Variants in LIPC observed in about 807,000 individuals in gnomAD.
The protein encoded by LIPC is hepatic triacylglycerol lipase.
In LIPC, 44 loss-of-function variants were observed where a neutral mutation model predicts 50.7. The observed-to-expected ratio is 0.87, with a 90% CI of 0.68 to 1.11. LIPC has a LOEUF of 1.11. LIPC is among the 50% of genes most tolerant of loss of function. The pLI is 0.00. For missense variants in LIPC, 697 were observed against 648.2 expected (o/e 1.08, Z -0.82); for synonymous variants, 271 against 256.4 (o/e 1.06, Z -0.54).
At chr15:58,452,209 C>A (rs1268882683) in intron 1 of LIPC, among the ~76,000 whole-genome samples, 2 of 152,188 alleles carry the variant, frequency 1.3e-5, no homozygotes, top group Non-Finnish European at 2.9e-5. Flanking sequence ...GTTTGAAAGA[C>A]AAATTCTCCA....
chr15:58,476,112 C>T (rs1286353513), intron 1 of LIPC, among the ~76,000 whole-genome samples: 2 of 152,228 alleles, frequency 1.3e-5, no homozygotes, highest in African/African-American at 4.8e-5. Flanking sequence ...CCCCATTTTA[C>T]AGAAAAAGAT....
chr15:58,483,052 C>T lies in LIPC; in HGVS notation c.88+50932C>T, dbSNP rs554878626. Reference sequence around the variant, plus strand: ...GTCTCTAGACAGAGAGTGTGTTGTTCAGGCTAAACTATCTCCCTACCATGG... The same window carrying T: ...GTCTCTAGACAGAGAGTGTGTTGTTTAGGCTAAACTATCTCCCTACCATGG... On this transcript the variant is annotated intron_variant, in intron 1 of 8. Transcript: ENST00000299022. Among the ~76,000 whole-genome samples, 18 of 152,268 alleles carry T rather than the reference C, an allele frequency of 1.2e-4. No homozygotes were observed. In the East Asian group the frequency reaches 3.5e-3, roughly 29 times the overall value.
intron 1 of LIPC, among the ~76,000 whole-genome samples, chr15:58,511,904 C>T (rs974139788): frequency 6.6e-5 from 10 of 152,152 alleles, no homozygotes; most frequent in African/African-American, 1.9e-4. Flanking sequence ...CAAGACAAAA[C>T]ATTGAGTTAT....
intron 1 of LIPC, among the ~76,000 whole-genome samples, chr15:58,508,068 A>G (rs1319237051): frequency 2.0e-5 from 3 of 152,244 alleles, no homozygotes; most frequent in Non-Finnish European, 4.4e-5. Flanking sequence ...GACAGACTTC[A>G]GTCTTTCTTC....
chr15:58,551,303 G>T (rs1304168826), intron 6 of LIPC, among the ~76,000 whole-genome samples: 1 of 152,196 alleles, frequency 6.6e-6, no homozygotes, highest in East Asian at 1.9e-4. Flanking sequence ...GTGCACTCAT[G>T]CGAGACTCGC....
chr15:58,462,065 C>T (rs1045442881), intron 1 of LIPC, among the ~76,000 whole-genome samples: 3 of 152,174 alleles, frequency 2.0e-5, no homozygotes, highest in African/African-American at 4.8e-5. Flanking sequence ...ATGTCTGTAC[C>T]CCTCTGTGTC....
intron 6 of LIPC, among the ~76,000 whole-genome samples, chr15:58,552,669 G>A (rs1371087120): frequency 6.6e-6 from 1 of 152,210 alleles, no homozygotes; most frequent in Non-Finnish European, 1.5e-5. Context: ...GCCAAGCTGT[G>A]ACTCGGGCAG....
At chr15:58,542,106 A>C in intron 3 of LIPC, 139 bp downstream of exon 3, 5 of 1,043,140 alleles carry the variant, frequency 4.8e-6, no homozygotes, top group Admixed American at 2.0e-5. Context: ...GAGAAGGCAC[A>C]GGACTGACAC....
At chr15:58,508,561 C>T (rs1189742492) in intron 1 of LIPC, among the ~76,000 whole-genome samples, 2 of 152,180 alleles carry the variant, frequency 1.3e-5, no homozygotes, top group South Asian at 2.1e-4. Context: ...CCCCTCCATC[C>T]CTTTATTAGT....
At chr15:58,443,250 T>C (rs261337) in intron 1 of LIPC, among the ~76,000 whole-genome samples, 30,707 of 152,008 alleles carry the variant, frequency 0.2, 5,256 homozygotes, top group East Asian at 0.62. Context: ...TGGGACATAT[T>C]CTCAACTTCC....
intron 1 of LIPC, among the ~76,000 whole-genome samples, chr15:58,438,549 A>G (rs1420272706): frequency 1.3e-5 from 2 of 152,162 alleles, no homozygotes; most frequent in African/African-American, 4.8e-5. Context: ...GATAACTAGA[A>G]CAAGGGGGCC....
intron 1 of LIPC, among the ~76,000 whole-genome samples, chr15:58,438,763 G>C (rs1216615167): frequency 1.3e-5 from 2 of 152,196 alleles, no homozygotes; most frequent in Admixed American, 6.5e-5. Context: ...CAGCTGCTTC[G>C]GAGTTCCAGG....
At chr15:58,559,618 G>A (rs1466551270) in intron 6 of LIPC, among the ~76,000 whole-genome samples, 1 of 150,274 alleles carries the variant, frequency 6.7e-6, no homozygotes, top group African/African-American at 2.5e-5. Flanking sequence ...AGAATATGGA[G>A]ACAAGAGAGC....
chr15:58,521,869 G>A (rs1264503178), intron 1 of LIPC: 1 of 152,088 alleles, frequency 6.6e-6, no homozygotes, highest in African/African-American at 2.4e-5. Context: ...TAATCATGAT[G>A]GGGAGGATGA....
chr15:58,525,939 T>C (rs1892789246), intron 1 of LIPC, among the ~76,000 whole-genome samples: 1 of 152,210 alleles, frequency 6.6e-6, no homozygotes, highest in Non-Finnish European at 1.5e-5. Flanking sequence ...TACCAGGCAT[T>C]GTGGGAGGTA....
intron 8 of LIPC, 102 bp downstream of exon 8, chr15:58,563,825 AT>A: frequency 1.0e-6 from 1 of 980,452 alleles, no homozygotes; most frequent in East Asian, 2.6e-5. Context: ...GGTGAGTATT[AT>A]TAGGCCCTAG....
At chr15:58,565,913 C>CAAAAAA (rs55871337) in intron 8 of LIPC, 22 of 944,184 alleles carry the variant, frequency 2.3e-5, no homozygotes, top group Middle Eastern at 5.3e-4. Context: ...TCGGAGAATA[C>CAAAAAA]AAAAAAAAAA....
intron 5 of LIPC, among the ~76,000 whole-genome samples, chr15:58,547,290 C>T (rs1041080188): frequency 5.3e-5 from 8 of 152,188 alleles, no homozygotes; most frequent in Non-Finnish European, 2.9e-5. Flanking sequence ...TTCACTACCT[C>T]CTGGGTGGAT....
At chr15:58,520,466 C>A (rs1207455784) in intron 1 of LIPC, among the ~76,000 whole-genome samples, 1 of 152,134 alleles carries the variant, frequency 6.6e-6, no homozygotes, top group Non-Finnish European at 1.5e-5. Context: ...TAAAGCCTTG[C>A]CTCCATGAAA....
Sources: gnomAD v4.1 joint callset for allele counts (sites outside exome capture counted in the v4.1 genomes callset) on GRCh38, gnomAD v4.1.1 for gene constraint, MANE v1.5 for transcripts, NCBI Gene and HGNC (gene_info 2026-07-23, HGNC 2026-07-21) for gene names.